The following CPA3 variants were observed in gnomAD, a reference collection of about 807,000 sequenced individuals.
The protein encoded by CPA3 is carboxypeptidase A3.
CPA3 carries 52 observed loss-of-function variants against 55.8 expected under a neutral mutation model. The observed-to-expected ratio is 0.93, with a 90% CI of 0.75 to 1.17. The LOEUF is 1.17. CPA3 is among the 50% of genes most tolerant of loss of function. The pLI is 0.00. For missense variants in CPA3, 547 were observed against 509.1 expected (o/e 1.07, Z -0.72); for synonymous variants, 179 against 171.2 (o/e 1.05, Z -0.36).
intron 5 of CPA3, among the ~76,000 whole-genome samples, chr3:148,879,321 C>G (rs1482620269): frequency 6.6e-6 from 1 of 152,188 alleles, no homozygotes; most frequent in Non-Finnish European, 1.5e-5. Context: ...AACCTGCACT[C>G]TCTTCAAAAT....
chr3:148,880,814 G>A (rs944657065), intron 6 of CPA3, among the ~76,000 whole-genome samples: 2 of 152,088 alleles, frequency 1.3e-5, no homozygotes, highest in Admixed American at 1.3e-4. Context: ...TTCTAGAAAA[G>A]AATCCACCAG....
At chr3:148,893,673 G>C (rs1448562767) in intron 10 of CPA3, among the ~76,000 whole-genome samples, 1 of 152,156 alleles carries the variant, frequency 6.6e-6, no homozygotes, top group Admixed American at 6.5e-5. Flanking sequence ...ACATAGTCAA[G>C]TAGCTGAGTG....
chr3:148,876,501 C>T (rs984591488), intron 3 of CPA3, among the ~76,000 whole-genome samples: 1 of 151,900 alleles, frequency 6.6e-6, no homozygotes, highest in African/African-American at 2.4e-5. Context: ...CTCAGTCACC[C>T]GAGTAGCTGA....
At chr3:148,895,094 C>A (rs1329744376) in intron 10 of CPA3, among the ~76,000 whole-genome samples, 3 of 152,172 alleles carry the variant, frequency 2.0e-5, no homozygotes, top group Non-Finnish European at 4.4e-5. Flanking sequence ...GGTTTCTATT[C>A]TTTTCAATCC....
In CPA3 at chr3:148,881,540, A is replaced by C. The variant is rs1714367516; in HGVS notation, c.595A>C (p.Arg199=). 6.2e-7 allele frequency: 1 copy of C among 1,611,940 alleles called. No individual in the cohort carries two copies. The highest frequency in any genetic ancestry group is 8.5e-7 in the Non-Finnish European group (1 of 1,178,818). Residue 199 remains arginine, a synonymous_variant, in exon 7 of 11, where the codon AGA becomes CGA. Transcript: ENST00000296046. ...FVYQATKTYG[R]NKIMTKLLDR... is the part of the protein sequence containing the mutation. ...CCGACAGGCAACCAAAACTTATGGGAGAAACAAAATTATGACCAAACTCTT... is the reference window on the plus strand; with the variant it reads ...CCGACAGGCAACCAAAACTTATGGGCGAAACAAAATTATGACCAAACTCTT...
chr3:148,889,747 G>T (rs1469288172), intron 10 of CPA3, among the ~76,000 whole-genome samples: 1 of 151,522 alleles, frequency 6.6e-6, no homozygotes, highest in East Asian at 1.9e-4. Flanking sequence ...GTGGGCACCT[G>T]TAATCCCAGC....
At chr3:148,882,768 G>A (rs968452281) in intron 8 of CPA3, among the ~76,000 whole-genome samples, 173 bp downstream of exon 8, 4 of 152,068 alleles carry the variant, frequency 2.6e-5, no homozygotes, top group African/African-American at 7.2e-5. Flanking sequence ...GTCTTGCTGT[G>A]TGGAAGGAAA....
At chr3:148,888,606 T>C (rs1413044408) in intron 10 of CPA3, among the ~76,000 whole-genome samples, 1 of 152,178 alleles carries the variant, frequency 6.6e-6, no homozygotes, top group Non-Finnish European at 1.5e-5. Context: ...TAGATACTAA[T>C]AAATAGCAGG....
chr3:148,866,561 C>A (rs543569541), intron 2 of CPA3, among the ~76,000 whole-genome samples: 1 of 152,194 alleles, frequency 6.6e-6, no homozygotes, highest in Admixed American at 6.5e-5. Flanking sequence ...CAAAGTCAAA[C>A]GCTTACATTC....
chr3:148,888,949 G>A (rs13079987), intron 10 of CPA3, among the ~76,000 whole-genome samples: 5,276 of 152,212 alleles, frequency 0.035, 169 homozygotes, highest in East Asian at 0.14. Flanking sequence ...TGGAAGGAGC[G>A]GAGAGCCAAA....
chr3:148,890,505 T>A (rs934158370), intron 10 of CPA3, among the ~76,000 whole-genome samples: 1 of 118,290 alleles, frequency 8.5e-6, no homozygotes, highest in Non-Finnish European at 2.1e-5. Flanking sequence ...AAATTTACAT[T>A]CTGAAAAAGA....
At chr3:148,870,429 G>A (rs1040220743) in intron 3 of CPA3, among the ~76,000 whole-genome samples, 2 of 152,020 alleles carry the variant, frequency 1.3e-5, no homozygotes, top group African/African-American at 4.8e-5. Flanking sequence ...TTATGATATT[G>A]CCACAATATC....
At position 148,883,781 on chromosome 3, in the gene CPA3, A is replaced by G. The variant is rs1366666897; in HGVS notation, c.947A>G (p.Tyr316Cys). The G allele has an allele frequency of 1.2e-6, 2 of 1,614,114 alleles. No individual in the cohort carries two copies. The highest frequency in any genetic ancestry group is 1.7e-6 in the Non-Finnish European group (2 of 1,179,952). Residue 316 changes from tyrosine to cysteine, a missense_variant, in exon 9 of 11, where the codon TAT (tyrosine) becomes TGT (cysteine). By Grantham distance (194) the Tyr-to-Cys change is radical. Coordinates refer to ENST00000296046, the MANE Select transcript of CPA3 (RefSeq NM_001870.4). The part of the protein sequence containing the change: ...YSQMLLFPYG[Y>C]TSKLPPNHED... ...CAGATGCTATTGTTTCCCTATGGAT[A>G]TACATCAAAACTGCCACCTAACCAT...
intron 8 of CPA3, among the ~76,000 whole-genome samples, chr3:148,883,032 T>C (rs557121553): frequency 7.2e-5 from 11 of 152,308 alleles, no homozygotes. Flanking sequence ...AGCAGAGGCC[T>C]GCTACATCAG....
rs1714442836 is a variant in CPA3, at chr3:148,883,745, A to C, written c.911A>C (p.His304Pro). ...GAAATCAAGGTTTACATCACCTTCC[A>C]TTCCTACTCCCAGATGCTATTGTTT... ...LNEIKVYITF[H>P]SYSQMLLFPY... The change falls in exon 9 of 11, where the codon CAT (histidine) becomes CCT (proline). Residue 304 changes from histidine (H) to proline (P), a missense_variant. His to Pro is a moderately conservative substitution (Grantham distance 77). Coordinates refer to ENST00000296046, the MANE Select transcript of CPA3 (RefSeq NM_001870.4). 1 of 1,614,110 alleles carries C rather than the reference A, an allele frequency of 6.2e-7. No individual in the cohort carries two copies. The highest frequency in any genetic ancestry group is 1.3e-5 in the African/African-American group (1 of 75,056).
rs188196970 is a variant in CPA3 at position 148,868,517 on chromosome 3, T to G, written c.145-398T>G. Among the ~76,000 whole-genome samples, 84 of 152,264 alleles carry G rather than the reference T, an allele frequency of 5.5e-4. No individual in the cohort carries two copies. In the East Asian group the frequency reaches 9.5e-3, roughly 17 times the overall value. Reference sequence around the variant, plus strand: ...AGGATTTCCAGAGTTTATAGGGACATCAGGTTTTGAGGACTAACTAACCAG... The same window carrying G: ...AGGATTTCCAGAGTTTATAGGGACAGCAGGTTTTGAGGACTAACTAACCAG... On this transcript the variant is annotated intron_variant, in intron 2 of 10. Coordinates refer to ENST00000296046, the MANE Select transcript of CPA3 (RefSeq NM_001870.4).
At chr3:148,878,097 C>T (rs1201001304) in intron 3 of CPA3, among the ~76,000 whole-genome samples, 1 of 152,134 alleles carries the variant, frequency 6.6e-6, no homozygotes, top group African/African-American at 2.4e-5. Flanking sequence ...CAACATAAAA[C>T]TTATTAGTGA....
intron 10 of CPA3, among the ~76,000 whole-genome samples, chr3:148,891,529 C>T (rs1449344351): frequency 6.6e-6 from 1 of 150,534 alleles, no homozygotes; most frequent in African/African-American, 2.5e-5. Context: ...CACACACACA[C>T]ACAAATTCTA....
At position 148,865,400 on chromosome 3, in the gene CPA3, G is replaced by A. The variant is rs116801366; in HGVS notation, c.68+25G>A. The A allele has an allele frequency of 7.7e-4, 1,237 of 1,613,766 alleles. 7 individuals are homozygous for A. In the African/African-American group the frequency reaches 0.013, roughly 17 times the overall value. On this transcript the variant is annotated intron_variant, in intron 1 of 10. Transcript: ENST00000296046. ...GGTAAATCTTACTTCCTGTGTTCCA[G>A]TCTCTGTGTAGAAGAGAATTAAAGG...
Sources: allele counts gnomAD v4.1 joint callset (sites outside exome capture counted in the v4.1 genomes callset), GRCh38; gene constraint gnomAD v4.1.1; transcripts MANE v1.5; gene names NCBI Gene and HGNC (gene_info 2026-07-23, HGNC 2026-07-21).